TMEM132D: variants seen among roughly 807,000 people sequenced by gnomAD.
TMEM132D encodes the protein transmembrane protein 132D, also known as mature OL transmembrane protein.
Under a neutral mutation model 62.3 loss-of-function variants are expected in TMEM132D, and 21 were observed. The ratio of observed to expected loss-of-function variants is 0.34; its 90% CI spans 0.24 to 0.49. The LOEUF (loss-of-function observed/expected upper bound fraction) is 0.49, where lower values mean the gene tolerates loss of function less well. Among genes scored for constraint, TMEM132D ranks in the 20% least tolerant of loss-of-function variants. The pLI is 0.99. For missense variants in TMEM132D, 1,346 were observed against 1,402.8 expected, an observed-to-expected ratio of 0.96 and a Z score of 0.65; for synonymous variants, 621 against 575.6, an observed-to-expected ratio of 1.08 and a Z score of -1.13.
intron 2 of TMEM132D, among the ~76,000 whole-genome samples, chr12:129,672,244 C>T (rs1447552406): frequency 6.6e-6 from 1 of 152,202 alleles, no homozygotes; most frequent in Non-Finnish European, 1.5e-5. Context: ...ACGTTCCAGC[C>T]AAGGGCATTT....
chr12:129,609,319 T>C (rs1878709215), intron 2 of TMEM132D, among the ~76,000 whole-genome samples: 1 of 152,100 alleles, frequency 6.6e-6, no homozygotes. Flanking sequence ...TGAACCACTA[T>C]CTGAAAGAGT....
chr12:129,276,334 G>A (rs548917159), intron 4 of TMEM132D, among the ~76,000 whole-genome samples: 8 of 152,304 alleles, frequency 5.3e-5, no homozygotes, highest in African/African-American at 1.7e-4. Context: ...AACTCTGAAC[G>A]TTATACTGTC....
At chr12:129,774,529 G>A (rs1018856668) in intron 1 of TMEM132D, among the ~76,000 whole-genome samples, 9 of 152,186 alleles carry the variant, frequency 5.9e-5, no homozygotes, top group Non-Finnish European at 1.2e-4. Context: ...GTTGTGGGAT[G>A]GGGCAGTAAA....
At chr12:129,102,978 T>C (rs1292420843) in intron 5 of TMEM132D, among the ~76,000 whole-genome samples, 1 of 152,170 alleles carries the variant, frequency 6.6e-6, no homozygotes, top group Non-Finnish European at 1.5e-5. Context: ...AATTTTGTTT[T>C]GTAGAAATGA....
At chr12:129,566,607 T>A (rs756600777) in intron 2 of TMEM132D, among the ~76,000 whole-genome samples, 1 of 152,176 alleles carries the variant, frequency 6.6e-6, no homozygotes, top group Non-Finnish European at 1.5e-5. Context: ...TTTTACCCAC[T>A]AATATATTTC....
rs150550863 is a variant in TMEM132D, at chr12:129,605,604, T to TATACACACAC, written c.969-74400_969-74399insGTGTGTGTAT. Among the ~76,000 whole-genome samples, 22 of 106,254 alleles carry TATACACACAC rather than the reference T, an allele frequency of 2.1e-4. 1 individual carries two copies. Among genetic ancestry groups the TATACACACAC allele is most frequent in the Admixed American group, 6.5e-4 (7 of 10,732 alleles). The allele number at this position is 106,254 out of a possible 152,430, so 69.7% of individuals were successfully genotyped here. A position where few individuals can be genotyped will look rare whatever the true frequency, so the allele number is the denominator to read the frequency against. ...ATTAGGCATTATATATATATATATA[T>TATACACACAC]ACACACACATATATATATACACACA... On this transcript the variant is annotated intron_variant, in intron 2 of 8. Transcript: ENST00000422113.
intron 5 of TMEM132D, among the ~76,000 whole-genome samples, chr12:129,118,000 C>T (rs1178044645): frequency 1.3e-5 from 2 of 152,190 alleles, no homozygotes; most frequent in African/African-American, 4.8e-5. Context: ...AGCTCCCACC[C>T]TGAAAGTCAC....
chr12:129,616,524 T>C (rs965808364), intron 2 of TMEM132D, among the ~76,000 whole-genome samples: 2 of 152,200 alleles, frequency 1.3e-5, no homozygotes, highest in Admixed American at 1.3e-4. Context: ...CCATGTATCG[T>C]GGGAGGGACC....
intron 4 of TMEM132D, among the ~76,000 whole-genome samples, chr12:129,317,843 A>G (rs1443372752): frequency 1.3e-5 from 2 of 152,016 alleles, no homozygotes; most frequent in African/African-American, 2.4e-5. Context: ...ATATTTTCTT[A>G]TTATTTTTTC....
chr12:129,133,765 A>G (rs1240196714), intron 5 of TMEM132D, among the ~76,000 whole-genome samples: 4 of 152,240 alleles, frequency 2.6e-5, no homozygotes, highest in African/African-American at 7.2e-5. Flanking sequence ...CTCAGGCCTC[A>G]CTTAGTGAAG....
At position 129,431,296 on chromosome 12, in the gene TMEM132D, A is replaced by G. The variant is rs1872648315; in HGVS notation, c.1116-93479T>C. 2.6e-5 allele frequency among the ~76,000 whole-genome samples: 4 copies of G among 152,310 alleles called. No homozygotes were observed. In the South Asian group the frequency reaches 8.3e-4, roughly 32 times the overall value. On this transcript the variant is annotated intron_variant, in intron 3 of 8. Coordinates refer to ENST00000422113, the MANE Select transcript of TMEM132D (RefSeq NM_133448.3). Reference sequence around the variant, plus strand: ...TGTTGTTCCCACTGCCATGTGCTACATCTCTGGATTTCCCAAATCGTTCTC... The same window carrying G: ...TGTTGTTCCCACTGCCATGTGCTACGTCTCTGGATTTCCCAAATCGTTCTC...
chr12:129,861,756 A>AG (rs1434538289), intron 1 of TMEM132D, among the ~76,000 whole-genome samples: 4 of 92,810 alleles, frequency 4.3e-5, no homozygotes, highest in East Asian at 4.0e-4. Context: ...TCTGTCTCAA[A>AG]GAAAAAAAAA....
chr12:129,702,790 A>G (rs1365490201), intron 1 of TMEM132D, among the ~76,000 whole-genome samples: 1 of 152,248 alleles, frequency 6.6e-6, no homozygotes, highest in Non-Finnish European at 1.5e-5. Context: ...GGTACTCAAT[A>G]AATATTTGAT....
intron 3 of TMEM132D, among the ~76,000 whole-genome samples, chr12:129,411,353 C>T (rs1330166693): frequency 6.6e-6 from 1 of 151,944 alleles, no homozygotes; most frequent in Non-Finnish European, 1.5e-5. Flanking sequence ...ATCGGTTTAG[C>T]TTTGTTTGGT....
At chr12:129,422,928 C>T (rs558386676) in intron 3 of TMEM132D, among the ~76,000 whole-genome samples, 2 of 145,028 alleles carry the variant, frequency 1.4e-5, no homozygotes, top group Non-Finnish European at 3.0e-5. Context: ...TACATACATG[C>T]AGAATAAAAC....
At chr12:129,840,843 C>T (rs1169758011) in intron 1 of TMEM132D, among the ~76,000 whole-genome samples, 4 of 152,162 alleles carry the variant, frequency 2.6e-5, no homozygotes, top group Non-Finnish European at 4.4e-5. Context: ...AGACAATACT[C>T]GAATGCAATG....
intron 2 of TMEM132D, among the ~76,000 whole-genome samples, chr12:129,532,236 C>T (rs555501618): frequency 5.3e-5 from 8 of 152,132 alleles, no homozygotes; most frequent in South Asian, 2.1e-4. Context: ...ACCTGGAGCA[C>T]GCTGATGGTA....
chr12:129,736,792 T>G (rs970020727), intron 1 of TMEM132D, among the ~76,000 whole-genome samples: 1 of 151,354 alleles, frequency 6.6e-6, no homozygotes, highest in African/African-American at 2.4e-5. Context: ...ATGCGTGCAT[T>G]AAGTCAACCT....
chr12:129,583,128 C>T (rs1565912187), intron 2 of TMEM132D, among the ~76,000 whole-genome samples: 1 of 152,174 alleles, frequency 6.6e-6, no homozygotes, highest in Non-Finnish European at 1.5e-5. Context: ...TTTTGATCAT[C>T]TACAGAATGA....
Sources: allele counts gnomAD v4.1 joint callset (sites outside exome capture counted in the v4.1 genomes callset), GRCh38; gene constraint gnomAD v4.1.1; transcripts MANE v1.5; gene names NCBI Gene and HGNC (gene_info 2026-07-23, HGNC 2026-07-21).